Variants in SNX9 observed in about 807,000 individuals in gnomAD.
The protein encoded by SNX9 is sorting nexin-9.
Under a neutral mutation model 89.4 loss-of-function variants are expected in SNX9, and 44 were observed. That is an observed-to-expected ratio of 0.49 (90% CI 0.39 to 0.63). SNX9 has a LOEUF of 0.63. SNX9 is among the 30% of genes least tolerant of loss of function. SNX9 has a pLI of 0.00. For missense variants in SNX9, 578 were observed against 736.1 expected (o/e 0.79, Z 2.49); for synonymous variants, 236 against 247.8 (o/e 0.95, Z 0.45).
chr6:157,855,150 C>T (rs1164545507), intron 1 of SNX9, among the ~76,000 whole-genome samples: 1 of 152,144 alleles, frequency 6.6e-6, no homozygotes, highest in Non-Finnish European at 1.5e-5. Context: ...CTCTTTCTTA[C>T]ACAAGTGGTG....
intron 1 of SNX9, among the ~76,000 whole-genome samples, chr6:157,838,331 T>A (rs548746087): frequency 2.0e-4 from 30 of 151,818 alleles, no homozygotes; most frequent in Non-Finnish European, 2.8e-4. Context: ...TTTTTTTTTT[T>A]ATTCAACAGT....
At chr6:157,846,862 C>T (rs1242165195) in intron 1 of SNX9, among the ~76,000 whole-genome samples, 5 of 152,102 alleles carry the variant, frequency 3.3e-5, no homozygotes, top group South Asian at 4.1e-4. Context: ...GCCTAGCCAA[C>T]GTGGCGAAAC....
chr6:157,873,858 G>A (rs1041585752), intron 3 of SNX9, among the ~76,000 whole-genome samples: 1 of 152,104 alleles, frequency 6.6e-6, no homozygotes, highest in Non-Finnish European at 1.5e-5. Flanking sequence ...ACCCAGGAGA[G>A]CAACACAGCA....
At chr6:157,869,319 T>C (rs1782340574) in intron 2 of SNX9, among the ~76,000 whole-genome samples, 1 of 152,184 alleles carries the variant, frequency 6.6e-6, no homozygotes, top group Non-Finnish European at 1.5e-5. Context: ...TATCTGCAGC[T>C]TCCTCCTGTG....
intron 1 of SNX9, among the ~76,000 whole-genome samples, chr6:157,827,564 T>C (rs1252694763): frequency 7.7e-6 from 1 of 130,438 alleles, no homozygotes; most frequent in Non-Finnish European, 1.6e-5. Flanking sequence ...GTTTATATAA[T>C]ATATAAATAT....
chr6:157,939,711 T>G (rs1783996394), intron 16 of SNX9, among the ~76,000 whole-genome samples: 3 of 152,198 alleles, frequency 2.0e-5, no homozygotes, highest in Non-Finnish European at 4.4e-5. Context: ...GATTGAAGTT[T>G]CGGGTTTTGA....
Position 157,940,875 on chromosome 6 carries a change from G to A in SNX9, c.1649-8G>A. 2 of 1,613,210 alleles carry A rather than the reference G, an allele frequency of 1.2e-6. No homozygotes were observed. The highest frequency in any genetic ancestry group is 1.7e-6 in the Non-Finnish European group (2 of 1,179,256). On this transcript the variant is annotated splice_region_variant and splice_polypyrimidine_tract_variant and intron_variant, in intron 16 of 17. Coordinates refer to ENST00000392185, the MANE Select transcript of SNX9 (RefSeq NM_016224.5). ...GAAAACTGATTGATGTTCTGATTTG[G>A]GTTGTAGCTGAGATGAATCACTTTC...
chr6:157,869,862 C>T (rs1782354630), intron 2 of SNX9, among the ~76,000 whole-genome samples: 1 of 152,118 alleles, frequency 6.6e-6, no homozygotes, highest in African/African-American at 2.4e-5. Flanking sequence ...CACACACACT[C>T]GCACACACCC....
chr6:157,932,353 ACTCC>A (rs1647348359), intron 13 of SNX9, 81 bp downstream of exon 13: 1 of 1,290,546 alleles, frequency 7.7e-7, no homozygotes, highest in African/African-American at 1.5e-5. Context: ...GCAGACGCTA[ACTCC>A]CTCCTCAGTG....
At chr6:157,887,082 G>C (rs1782750838) in intron 4 of SNX9, among the ~76,000 whole-genome samples, 2 of 152,070 alleles carry the variant, frequency 1.3e-5, no homozygotes, top group African/African-American at 4.8e-5. Context: ...GTCAGACATT[G>C]CAATTTTCAC....
rs1784075891 is a variant in SNX9 at position 157,943,068 on chromosome 6, A to G, written c.*230A>G. 2.5e-6 allele frequency: 1 copy of G among 398,798 alleles called. No individual in the cohort carries two copies. The highest frequency in any genetic ancestry group is 2.1e-5 in the African/African-American group (1 of 48,484). 24.7% of individuals were successfully genotyped at this position (398,798 alleles called of 1,614,324 possible). ...ATTTAAACCAGTGGAAATTGTCTCT[A>G]TTTTTGGAAAGTACTTAAAAGTTAC... On this transcript the variant is annotated 3_prime_UTR_variant, in exon 18 of 18. Transcript: ENST00000392185.
At chr6:157,909,823 G>A in intron 8 of SNX9, 33 bp downstream of exon 8, 1 of 1,612,870 alleles carries the variant, frequency 6.2e-7, no homozygotes, top group Non-Finnish European at 8.5e-7. Context: ...GCAGAATCAT[G>A]TTTGGATCAC....
At chr6:157,940,319 A>C (rs1035395858) in intron 16 of SNX9, among the ~76,000 whole-genome samples, 1 of 152,256 alleles carries the variant, frequency 6.6e-6, no homozygotes, top group Non-Finnish European at 1.5e-5. Flanking sequence ...AATAGGCTGC[A>C]TTTGGGTGAT....
At chr6:157,931,687 T>C (rs1178390301) in intron 12 of SNX9, among the ~76,000 whole-genome samples, 1 of 152,260 alleles carries the variant, frequency 6.6e-6, no homozygotes, top group African/African-American at 2.4e-5. Context: ...TTGGTGGTTA[T>C]GGTTTGCAAA....
At position 157,842,843 on chromosome 6, in the gene SNX9, G is replaced by A. The variant is rs541800286; in HGVS notation, c.12+19397G>A. 1.3e-4 allele frequency among the ~76,000 whole-genome samples: 20 copies of A among 152,266 alleles called. No homozygotes were observed. In the South Asian group the frequency reaches 3.7e-3, roughly 28 times the overall value. Reference sequence around the variant, plus strand: ...GAGGTTCAGACTCTTGGAGCCAGAGGCTACATGACCCCGAAATTGTAATTT... The same window carrying A: ...GAGGTTCAGACTCTTGGAGCCAGAGACTACATGACCCCGAAATTGTAATTT... On this transcript the variant is annotated intron_variant, in intron 1 of 17. Transcript: ENST00000392185.
At chr6:157,864,795 C>T (rs934526979) in intron 1 of SNX9, among the ~76,000 whole-genome samples, 3 of 151,144 alleles carry the variant, frequency 2.0e-5, no homozygotes, top group East Asian at 3.9e-4. Flanking sequence ...TTTGGGAGGC[C>T]GAGGCGGGCA....
chr6:157,918,605 T>C (rs1027581881), intron 9 of SNX9, among the ~76,000 whole-genome samples: 3 of 152,156 alleles, frequency 2.0e-5, no homozygotes, highest in Non-Finnish European at 4.4e-5. Flanking sequence ...TTAATATAAT[T>C]ATTGACATGG....
At position 157,870,330 on chromosome 6, in the gene SNX9, GCGCTCA is replaced by G. The variant is rs1782372048; in HGVS notation, c.99+2699_99+2704del. Among the ~76,000 whole-genome samples, 4 of 148,878 alleles carry G rather than the reference GCGCTCA, an allele frequency of 2.7e-5. No homozygotes were observed. The South Asian group carries it at 6.4e-4, about 24-fold the overall frequency. On this transcript the variant is annotated intron_variant, in intron 2 of 17. Coordinates refer to ENST00000392185, the MANE Select transcript of SNX9 (RefSeq NM_016224.5). ...CGCACACACACCTACTCTCTCACCTGCGCTCACACTCACACTCATGCTCTCACACAT... is the reference window on the plus strand; with the variant it reads ...CGCACACACACCTACTCTCTCACCTGCACTCACACTCATGCTCTCACACAT...
chr6:157,864,430 G>A (rs1782210530), intron 1 of SNX9, among the ~76,000 whole-genome samples: 1 of 152,114 alleles, frequency 6.6e-6, no homozygotes, highest in African/African-American at 2.4e-5. Flanking sequence ...AAGTGTGTGA[G>A]GCTGTTTCCA....
Sources: gnomAD v4.1 joint callset for allele counts (sites outside exome capture counted in the v4.1 genomes callset) on GRCh38, gnomAD v4.1.1 for gene constraint, MANE v1.5 for transcripts, NCBI Gene and HGNC (gene_info 2026-07-23, HGNC 2026-07-21) for gene names.